The following DGKI variants were observed in gnomAD, a reference collection of about 807,000 sequenced individuals.
DGKI encodes the protein diacylglycerol kinase iota.
Under a neutral mutation model 147.5 loss-of-function variants are expected in DGKI, and 55 were observed. The ratio of observed to expected loss-of-function variants is 0.37; its 90% CI spans 0.30 to 0.47. The LOEUF (loss-of-function observed/expected upper bound fraction) is 0.47. Ranked by LOEUF, DGKI falls within the 20% of genes least tolerant of loss-of-function variation. The pLI, the probability that DGKI is intolerant of heterozygous loss-of-function variation, is 1.00. For synonymous variants in DGKI, 469 were observed against 477.1 expected (o/e 0.98, Z 0.22); for missense variants, 1,007 against 1,323.8 (o/e 0.76, Z 3.71).
chr7:137,507,634 A>T (rs1210698421), intron 21 of DGKI, among the ~76,000 whole-genome samples: 1 of 152,208 alleles, frequency 6.6e-6, no homozygotes, highest in Non-Finnish European at 1.5e-5. Context: ...TCATTCACTT[A>T]ATCATTTTAG....
intron 6 of DGKI, among the ~76,000 whole-genome samples, chr7:137,636,511 C>T (rs1821317911): frequency 6.6e-6 from 1 of 152,182 alleles, no homozygotes. Flanking sequence ...GGCTTTCCAC[C>T]CAGATAACTC....
chr7:137,705,952 A>G (rs1794007984), intron 1 of DGKI, among the ~76,000 whole-genome samples: 1 of 152,050 alleles, frequency 6.6e-6, no homozygotes, highest in African/African-American at 2.4e-5. Flanking sequence ...AGCCCACAAA[A>G]CAATCATTTG....
At chr7:137,405,243 T>A (rs58612177) in intron 30 of DGKI, among the ~76,000 whole-genome samples, 1,441 of 113,212 alleles carry the variant, frequency 0.013, 19 homozygotes, top group African/African-American at 0.036. Context: ...TTCATTATTG[T>A]TATCATTTTT....
At chr7:137,664,393 A>G (rs1029459839) in intron 3 of DGKI, among the ~76,000 whole-genome samples, 6 of 139,128 alleles carry the variant, frequency 4.3e-5, no homozygotes, top group Non-Finnish European at 8.9e-5. Flanking sequence ...AAAAAAAAAA[A>G]AAAAAGAAAG....
intron 10 of DGKI, among the ~76,000 whole-genome samples, chr7:137,602,540 A>G (rs1199503015): frequency 6.6e-6 from 1 of 152,222 alleles, no homozygotes; most frequent in African/African-American, 2.4e-5. Context: ...ATTTATTACC[A>G]AAAATGTAAG....
At chr7:137,520,367 A>G (rs1008788245) in intron 21 of DGKI, among the ~76,000 whole-genome samples, 9 of 152,128 alleles carry the variant, frequency 5.9e-5, no homozygotes, top group Non-Finnish European at 1.3e-4. Flanking sequence ...TTAGAACTCA[A>G]TTTAATTTGC....
intron 1 of DGKI, among the ~76,000 whole-genome samples, chr7:137,691,045 G>A (rs1345136090): frequency 1.3e-5 from 2 of 152,298 alleles, no homozygotes; most frequent in East Asian, 1.9e-4. Flanking sequence ...ATATCTAAGT[G>A]TGGTCTGAGA....
At chr7:137,400,295 A>C (rs192601116) in intron 30 of DGKI, among the ~76,000 whole-genome samples, 1 of 152,320 alleles carries the variant, frequency 6.6e-6, no homozygotes, top group Non-Finnish European at 1.5e-5. Context: ...AAGAAATTCC[A>C]TGAACATGAG....
intron 6 of DGKI, among the ~76,000 whole-genome samples, chr7:137,636,440 A>G (rs1429000630): frequency 3.9e-5 from 6 of 152,216 alleles, no homozygotes; most frequent in African/African-American, 1.4e-4. Context: ...TGCTCTAAAA[A>G]TGTACGATAC....
At chr7:137,589,676 A>G (rs937075901) in intron 12 of DGKI, among the ~76,000 whole-genome samples, 1 of 152,238 alleles carries the variant, frequency 6.6e-6, no homozygotes. Context: ...AAAAGGACAT[A>G]AATACTCAGA....
intron 1 of DGKI, among the ~76,000 whole-genome samples, chr7:137,754,102 G>A (rs558237312): frequency 6.6e-6 from 1 of 152,256 alleles, no homozygotes; most frequent in East Asian, 1.9e-4. Flanking sequence ...TGTAAAGAAG[G>A]TGGGAGGCAC....
chr7:137,723,386 T>C (rs1794623237), intron 1 of DGKI, among the ~76,000 whole-genome samples: 1 of 152,224 alleles, frequency 6.6e-6, no homozygotes, highest in Admixed American at 6.5e-5. Flanking sequence ...CTCACTGTTG[T>C]TTCCAAGGCT....
chr7:137,532,006 T>C lies in DGKI; in HGVS notation c.2148-10040A>G, dbSNP rs73449437. Reference sequence around the variant, plus strand: ...ATAGACTACACATAATCTTTAAATATTGAACACATTTCATCTACAAACCAA... The same window carrying C: ...ATAGACTACACATAATCTTTAAATACTGAACACATTTCATCTACAAACCAA... On this transcript the variant is annotated intron_variant, in intron 20 of 32. Coordinates refer to ENST00000614521, the MANE Select transcript of DGKI (RefSeq NM_001321708.2). Among the ~76,000 whole-genome samples, 324 of 145,822 alleles carry C rather than the reference T, an allele frequency of 2.2e-3. 2 individuals are homozygous for C. The highest frequency in any genetic ancestry group is 7.6e-3 in the African/African-American group (298 of 39,278).
chr7:137,671,816 G>A (rs1822851088), intron 3 of DGKI, among the ~76,000 whole-genome samples: 2 of 152,168 alleles, frequency 1.3e-5, no homozygotes, highest in South Asian at 4.1e-4. Flanking sequence ...TAGAATTAAG[G>A]CAGGGTGTCA....
At chr7:137,540,499 C>A (rs1332752953) in intron 20 of DGKI, among the ~76,000 whole-genome samples, 1 of 151,930 alleles carries the variant, frequency 6.6e-6, no homozygotes, top group Non-Finnish European at 1.5e-5. Flanking sequence ...CAATAGGATA[C>A]AAGGTCAACA....
chr7:137,451,948 C>A (rs1382716245), intron 27 of DGKI, among the ~76,000 whole-genome samples: 2 of 152,142 alleles, frequency 1.3e-5, no homozygotes, highest in African/African-American at 4.8e-5. Flanking sequence ...ATGGCTACAT[C>A]ATTTCCTTCT....
intron 32 of DGKI, among the ~76,000 whole-genome samples, chr7:137,392,362 T>G (rs1811397574): frequency 6.6e-6 from 1 of 152,238 alleles, no homozygotes; most frequent in Non-Finnish European, 1.5e-5. Context: ...TTTCTAATTT[T>G]TGTTGAATGA....
intron 21 of DGKI, among the ~76,000 whole-genome samples, chr7:137,505,092 A>G (rs923740090): frequency 7.9e-6 from 1 of 127,134 alleles, no homozygotes; most frequent in African/African-American, 3.0e-5. Flanking sequence ...CACATAGACA[A>G]AGGGGGGGAA....
chr7:137,450,576 G>A (rs984523014), intron 27 of DGKI, among the ~76,000 whole-genome samples: 7 of 151,928 alleles, frequency 4.6e-5, no homozygotes, highest in African/African-American at 1.7e-4. Context: ...ACAAAAATTA[G>A]CCAAGCGTGG....
Sources: gnomAD v4.1 joint callset for allele counts (sites outside exome capture counted in the v4.1 genomes callset) on GRCh38, gnomAD v4.1.1 for gene constraint, MANE v1.5 for transcripts, NCBI Gene and HGNC (gene_info 2026-07-23, HGNC 2026-07-21) for gene names.